SLC15A5: variants seen among roughly 807,000 people sequenced by gnomAD.
The protein encoded by SLC15A5 is Peptide/histidine transporter ENSP00000340402.
In SLC15A5, 58 loss-of-function variants were observed where a neutral mutation model predicts 56.1. The ratio of observed to expected loss-of-function variants is 1.03; its 90% confidence interval spans 0.84 to 1.29. SLC15A5 has a LOEUF of 1.29. Among genes scored for constraint, SLC15A5 ranks in the 50% most tolerant of loss-of-function variants. The pLI is 0.00. For missense variants in SLC15A5, 681 were observed against 672.1 expected, an observed-to-expected ratio of 1.01 and a Z score of -0.15; for synonymous variants, 264 against 250.5, an observed-to-expected ratio of 1.05 and a Z score of -0.51.
At chr12:16,253,432 A>G (rs949978903) in intron 3 of SLC15A5, among the ~76,000 whole-genome samples, 1 of 152,156 alleles carries the variant, frequency 6.6e-6, no homozygotes, top group Non-Finnish European at 1.5e-5. Flanking sequence ...CTACAACTTA[A>G]GAAAAATCCC....
intron 7 of SLC15A5, among the ~76,000 whole-genome samples, chr12:16,194,684 G>A (rs2669944): frequency 0.25 from 38,173 of 151,918 alleles, 4,909 homozygotes; most frequent in African/African-American, 0.29. Context: ...AATTTGCATC[G>A]CACAAATATA....
chr12:16,189,742 C>T lies in SLC15A5; in HGVS notation c.1666G>A (p.Glu556Lys), dbSNP rs963427797. 76 of 1,529,550 alleles carry T rather than the reference C, an allele frequency of 5.0e-5. No homozygotes were observed. The highest frequency in any genetic ancestry group is 6.3e-5 in the Non-Finnish European group (72 of 1,142,946). 94.7% of individuals were successfully genotyped at this position (1,529,550 alleles called of 1,614,324 possible). ...CTGCCATAAAATTTCAGAGATTTTT[C>T]GTGGAGGAGAAGTGTTTCTTCAAGA... The part of the protein sequence containing the change: ...SNLEETLLLH[E>K]KSLKFYGSIQ... Residue 556 changes from glutamate to lysine, a missense_variant, in exon 9 of 9, where the codon GAA becomes AAA. Transcript: ENST00000344941.
At chr12:16,191,824 T>G (rs1206197675) in intron 8 of SLC15A5, among the ~76,000 whole-genome samples, 2 of 152,124 alleles carry the variant, frequency 1.3e-5, no homozygotes, top group African/African-American at 2.4e-5. Flanking sequence ...AGCTGCTTAA[T>G]CTCTGGAGGC....
At chr12:16,192,482 C>T (rs1863846585) in intron 8 of SLC15A5, among the ~76,000 whole-genome samples, 1 of 152,052 alleles carries the variant, frequency 6.6e-6, no homozygotes, top group African/African-American at 2.4e-5. Flanking sequence ...CACTATTTCT[C>T]ACTTCTTTAC....
At chr12:16,210,245 G>C (rs1333822670) in intron 7 of SLC15A5, among the ~76,000 whole-genome samples, 2 of 152,088 alleles carry the variant, frequency 1.3e-5, no homozygotes, top group Non-Finnish European at 2.9e-5. Flanking sequence ...GTATGCATGT[G>C]CATGTGTCTC....
At chr12:16,245,988 T>C (rs1864457493) in intron 3 of SLC15A5, among the ~76,000 whole-genome samples, 1 of 152,204 alleles carries the variant, frequency 6.6e-6, no homozygotes, top group Admixed American at 6.5e-5. Context: ...TATGTCAGCC[T>C]TTGATTAATT....
At chr12:16,258,990 C>CTTTTT (rs35905307) in intron 2 of SLC15A5, among the ~76,000 whole-genome samples, 2 of 118,538 alleles carry the variant, frequency 1.7e-5, no homozygotes, top group African/African-American at 3.2e-5. Context: ...TCTTCTTTTT[C>CTTTTT]TTTTTTTTTT....
At chr12:16,203,015 T>C (rs1863977239) in intron 7 of SLC15A5, among the ~76,000 whole-genome samples, 1 of 151,894 alleles carries the variant, frequency 6.6e-6, no homozygotes, top group African/African-American at 2.4e-5. Flanking sequence ...AGGTACAAAG[T>C]TTGAGTTAGA....
At chr12:16,275,271 G>A (rs1465292091) in intron 1 of SLC15A5, among the ~76,000 whole-genome samples, 1 of 152,070 alleles carries the variant, frequency 6.6e-6, no homozygotes, top group Non-Finnish European at 1.5e-5. Flanking sequence ...AAAGAGAGAA[G>A]AGCATGTACA....
intron 7 of SLC15A5, among the ~76,000 whole-genome samples, chr12:16,215,230 CCA>C (rs1864120309): frequency 1.8e-5 from 1 of 56,996 alleles, no homozygotes; most frequent in African/African-American, 7.5e-5. Context: ...AAAAAAAAAA[CCA>C]AAGTGAGGAT....
chr12:16,189,713 T>C lies in SLC15A5; in HGVS notation c.1695A>G (p.Ile565Met), dbSNP rs1863822163. 1 of 1,530,698 alleles carries C rather than the reference T, an allele frequency of 6.5e-7. No homozygotes were observed. The highest frequency in any genetic ancestry group is 8.7e-7 in the Non-Finnish European group (1 of 1,144,022). The allele number at this position is 1,530,698 out of a possible 1,614,324, so 94.8% of individuals were successfully genotyped here. The change falls in exon 9 of 9, where the codon ATA becomes ATG. Residue 565 changes from isoleucine (I) to methionine (M), a missense_variant. Coordinates refer to ENST00000344941, the MANE Select transcript of SLC15A5 (RefSeq NM_001170798.1). ...GATCAATACTTGAAGAAAATTCCTGTATACTGCCATAAAATTTCAGAGATT... is the reference window on the plus strand; with the variant it reads ...GATCAATACTTGAAGAAAATTCCTGCATACTGCCATAAAATTTCAGAGATT... The part of the protein sequence containing the change: ...HEKSLKFYGS[I>M]QEFSSSIDLW...
At position 16,236,525 on chromosome 12, in the gene SLC15A5, A is replaced by T. The variant is rs576956271; in HGVS notation, c.1162+3156T>A. 3.3e-5 allele frequency among the ~76,000 whole-genome samples: 5 copies of T among 152,310 alleles called. No homozygotes were observed. The East Asian group carries it at 9.6e-4, about 29-fold the overall frequency. ...AGGAATGTTGCATCTTGAATCAGAA[A>T]CACCTTTGTTATTGCATTGTTTATG... On this transcript the variant is annotated intron_variant, in intron 5 of 8. Transcript: ENST00000344941.
At chr12:16,221,566 C>G (rs1380393033) in intron 6 of SLC15A5, among the ~76,000 whole-genome samples, 1 of 152,156 alleles carries the variant, frequency 6.6e-6, no homozygotes, top group African/African-American at 2.4e-5. Flanking sequence ...GGTGGAACAA[C>G]ACGTGGAGAC....
At chr12:16,191,492 T>C (rs1453105905) in intron 8 of SLC15A5, among the ~76,000 whole-genome samples, 3 of 152,046 alleles carry the variant, frequency 2.0e-5, no homozygotes, top group Non-Finnish European at 2.9e-5. Context: ...ACCTTTGGGT[T>C]TGATAAAAAA....
chr12:16,257,747 T>C lies in SLC15A5; in HGVS notation c.708A>G (p.Ile236Met). 4 of 1,526,910 alleles carry C rather than the reference T, an allele frequency of 2.6e-6. No individual in the cohort carries two copies. The highest frequency in any genetic ancestry group is 3.5e-6 in the Non-Finnish European group (4 of 1,143,570). 94.6% of individuals were successfully genotyped at this position (1,526,910 alleles called of 1,614,324 possible). Residue 236 changes from isoleucine to methionine, a missense_variant, in exon 3 of 9, where the codon ATA becomes ATG. By Grantham distance (10) the Ile-to-Met change is conservative. Coordinates refer to ENST00000344941, the MANE Select transcript of SLC15A5 (RefSeq NM_001170798.1). ...GGTTGTAGTATATCATATGAAGAGT[T>C]ATCACAGCCATAAGCATAGACATAA... ...IPFMSMLMAV[I>M]TLHMIYYNLI...
At chr12:16,226,278 A>G (rs894395988) in intron 5 of SLC15A5, among the ~76,000 whole-genome samples, 1 of 152,182 alleles carries the variant, frequency 6.6e-6, no homozygotes, top group African/African-American at 2.4e-5. Flanking sequence ...ACAAGAAAAA[A>G]AGTCTGTACA....
rs1183588449 is a variant in SLC15A5 at position 16,277,335 on chromosome 12, T to C, written c.351A>G (p.Leu117=). 4 of 1,523,444 alleles carry C rather than the reference T, an allele frequency of 2.6e-6. No homozygotes were observed. The South Asian group carries it at 4.9e-5, about 19-fold the overall frequency. The allele number at this position is 1,523,444 out of a possible 1,614,324, so 94.4% of individuals were successfully genotyped here. A position where few individuals can be genotyped will look rare whatever the true frequency, so the allele number is the denominator to read the frequency against. The part of the protein sequence containing the change: ...RNKLVYICLF[L]HFLGTALLSV... ...GCAGAGGACACTCACCTAGAAAATG[T>C]AGAAACAAGCAAATGTACACCAGTT... The change falls in exon 1 of 9, where the codon CTA becomes CTG. Residue 117 remains leucine, a synonymous_variant. Coordinates refer to ENST00000344941, the MANE Select transcript of SLC15A5 (RefSeq NM_001170798.1).
chr12:16,224,708 G>C, intron 5 of SLC15A5, 106 bp from the exon 6 acceptor site: 7 of 1,133,590 alleles, frequency 6.2e-6, no homozygotes, highest in Non-Finnish European at 8.3e-6. Context: ...TTTCTTTTTT[G>C]TTTGTTTGTT....
At chr12:16,259,004 C>CCTTTTTTTTTTTTTTT (rs1864610158) in intron 2 of SLC15A5, among the ~76,000 whole-genome samples, 1 of 69,392 alleles carries the variant, frequency 1.4e-5, no homozygotes, top group Non-Finnish European at 3.1e-5. Context: ...TTTTTTTTTT[C>CCTTTTTTTTTTTTTTT]TTTTTCTTTT....
Sources: gnomAD v4.1 joint callset for allele counts (sites outside exome capture counted in the v4.1 genomes callset) on GRCh38, gnomAD v4.1.1 for gene constraint, MANE v1.5 for transcripts, NCBI Gene and HGNC (gene_info 2026-07-23, HGNC 2026-07-21) for gene names.